The following MXD4 variants were observed in gnomAD, a reference collection of about 807,000 sequenced individuals.
The protein encoded by MXD4 is MAX dimerization protein 4.
A neutral mutation model predicts 24.5 loss-of-function variants in MXD4; 16 were observed. The observed-to-expected ratio is 0.65, with a 90% CI of 0.44 to 0.99. The LOEUF (loss-of-function observed/expected upper bound fraction) is 0.99. MXD4 is among the 50% of genes least tolerant of loss of function. The pLI, the probability that MXD4 is intolerant of heterozygous loss-of-function variation, is 0.00. For missense variants in MXD4, 301 were observed against 301.5 expected (o/e 1.00, Z 0.01); for synonymous variants, 164 against 134.2 (o/e 1.22, Z -1.54).
chr4:2,255,429 C>A, intron 3 of MXD4: 1 of 455,828 alleles, frequency 2.2e-6, no homozygotes, highest in Admixed American at 2.4e-5. Flanking sequence ...CCACCTGGCC[C>A]AAGAGTGTGG....
intron 2 of MXD4, among the ~76,000 whole-genome samples, chr4:2,260,273 G>A (rs746747893): frequency 1.3e-5 from 2 of 152,232 alleles, no homozygotes; most frequent in South Asian, 4.1e-4. Flanking sequence ...AGGAACAGGC[G>A]TCATCAGAGA....
Position 2,249,371 on chromosome 4 carries a change from T to C in MXD4, c.*1173A>G, listed in dbSNP as rs1735263739. ...CAGCTAGGAAAATAGAATACAAAAATCTGGTACAGGAAACAGAGGCGGCAC... is the reference window on the plus strand; with the variant it reads ...CAGCTAGGAAAATAGAATACAAAAACCTGGTACAGGAAACAGAGGCGGCAC... On this transcript the variant is annotated 3_prime_UTR_variant, in exon 6 of 6. Transcript: ENST00000337190. The C allele has an allele frequency of 6.6e-6, 1 of 152,000 alleles. No homozygotes were observed. The highest frequency in any genetic ancestry group is 6.6e-5 in the Admixed American group (1 of 15,248). The allele number at this position is 152,000 out of a possible 1,614,324, so 9.4% of individuals were successfully genotyped here.
chr4:2,255,799 T>C (rs1223367734), intron 3 of MXD4, among the ~76,000 whole-genome samples: 1 of 151,772 alleles, frequency 6.6e-6, no homozygotes, highest in African/African-American at 2.4e-5. Context: ...ACTTCCCAGC[T>C]CCCCCAAAAA....
intron 2 of MXD4, chr4:2,258,906 G>C (rs546778884): frequency 6.6e-6 from 3 of 455,944 alleles, no homozygotes; most frequent in South Asian, 3.1e-5. Flanking sequence ...ATTCAGACGC[G>C]GGCACACAAT....
At position 2,252,349 on chromosome 4, in the gene MXD4, G is replaced by A. The variant is rs994710614; in HGVS notation, c.309+59C>T. ...GGGTCACCTGTGAGCACCCCCCCAG[G>A]GCGTGCAGGGACACTGAGGCAGCCA... On this transcript the variant is annotated intron_variant, in intron 4 of 5. Coordinates refer to ENST00000337190, the MANE Select transcript of MXD4 (RefSeq NM_006454.3). The A allele has an allele frequency of 5.8e-6, 8 of 1,388,950 alleles. 1 individual carries two copies. In the South Asian group the frequency reaches 9.2e-5, roughly 16 times the overall value. 86.0% of individuals were successfully genotyped at this position (1,388,950 alleles called of 1,614,324 possible).
Position 2,250,585 on chromosome 4 carries a change from C to T in MXD4, c.589G>A (p.Gly197Arg), listed in dbSNP as rs780860666. ...QSGTGGDSGFGPHCRRLGRPA... is the reference protein window; with the variant it reads ...QSGTGGDSGFRPHCRRLGRPA... ...CGGCCCAGCCGCCGGCAGTGGGGCC[C>T]GAAGCCACTGTCGCCGCCGGTGCCA... Residue 197 changes from glycine to arginine, a missense_variant, in exon 6 of 6, where the codon GGG (glycine) becomes AGG (arginine). Transcript: ENST00000337190. The T allele has an allele frequency of 6.2e-6, 10 of 1,608,636 alleles. No homozygotes were observed. The highest frequency in any genetic ancestry group is 6.8e-6 in the Non-Finnish European group (8 of 1,178,354).
chr4:2,251,538 G>A (rs554207144), intron 4 of MXD4, among the ~76,000 whole-genome samples: 238 of 152,368 alleles, frequency 1.6e-3, no homozygotes, highest in Non-Finnish European at 2.6e-3. Context: ...GCCAAGTTGA[G>A]CCATGTGTGG....
chr4:2,254,618 G>C (rs1259560211), intron 3 of MXD4: 1 of 152,274 alleles, frequency 6.6e-6, no homozygotes, highest in Non-Finnish European at 1.5e-5. Context: ...AAAGACAAAT[G>C]GTTAGTATTT....
intron 3 of MXD4, 128 bp downstream of exon 3, chr4:2,257,854 G>T: frequency 1.6e-6 from 2 of 1,259,624 alleles, no homozygotes; most frequent in Non-Finnish European, 2.3e-6. Flanking sequence ...CCATTCCCAA[G>T]ACAAGGACAC....
intron 2 of MXD4, chr4:2,258,772 G>A (rs150428309): frequency 5.0e-6 from 2 of 399,860 alleles, no homozygotes; most frequent in Admixed American, 5.2e-5. Context: ...TAGGCACAGG[G>A]GGACACTGAG....
intron 2 of MXD4, chr4:2,258,859 G>T (rs1335016598): frequency 2.2e-6 from 1 of 454,746 alleles, no homozygotes; most frequent in African/African-American, 2.0e-5. Flanking sequence ...GCTTCTCTGG[G>T]GACAGTGGCC....
chr4:2,250,627 G>C lies in MXD4; in HGVS notation c.547C>G (p.His183Asp), dbSNP rs762843764. The change falls in exon 6 of 6, where the codon CAC (histidine) becomes GAC (aspartate). Residue 183 changes from histidine to aspartate, a missense_variant. By Grantham distance (81) the His-to-Asp change is moderately conservative. Coordinates refer to ENST00000337190, the MANE Select transcript of MXD4 (RefSeq NM_006454.3). ...SVGSSSDADD[H>D]YSLQSGTGGD... ...CCGGTGCCACTCTGCAGGCTGTAGT[G>C]GTCGTCCGCGTCACTGCTGCTGCCA... 1 of 1,613,444 alleles carries C rather than the reference G, an allele frequency of 6.2e-7. No individual in the cohort carries two copies. The highest frequency in any genetic ancestry group is 1.1e-5 in the South Asian group (1 of 91,058).
At chr4:2,261,637 G>A (rs1346737967) in intron 2 of MXD4, 88 bp downstream of exon 2, 5 of 778,374 alleles carry the variant, frequency 6.4e-6, no homozygotes, top group Non-Finnish European at 8.2e-6. Flanking sequence ...GAGGGCCGCG[G>A]GCCGGGAATC....
Position 2,252,397 on chromosome 4 carries a change from G to C in MXD4, c.309+11C>G. ...CCAGACAGGGCAGGGTGGAGAGCAA[G>C]GCCCACTCACCTTGATGTGCACCTT... On this transcript the variant is annotated intron_variant, in intron 4 of 5. Coordinates refer to ENST00000337190, the MANE Select transcript of MXD4 (RefSeq NM_006454.3). 6.2e-7 allele frequency: 1 copy of C among 1,605,976 alleles called. No homozygotes were observed.
At position 2,261,910 on chromosome 4, in the gene MXD4, G is replaced by C; in HGVS notation, c.64+7C>G. The C allele has an allele frequency of 6.9e-7, 1 of 1,458,680 alleles. No homozygotes were observed. Among genetic ancestry groups the C allele is most frequent in the Non-Finnish European group, 9.1e-7 (1 of 1,104,840 alleles). 90.4% of individuals were successfully genotyped at this position (1,458,680 alleles called of 1,614,324 possible). On this transcript the variant is annotated splice_region_variant and intron_variant, in intron 1 of 5. Transcript: ENST00000337190. ...GCCGCGGGCGCACAATGGGGTGCGAGCGCTACCTCGATCCCTGCGCTCCAG... is the reference window on the plus strand; with the variant it reads ...GCCGCGGGCGCACAATGGGGTGCGACCGCTACCTCGATCCCTGCGCTCCAG...
At chr4:2,255,884 C>CCTGG (rs1288649561) in intron 3 of MXD4, among the ~76,000 whole-genome samples, 1 of 152,184 alleles carries the variant, frequency 6.6e-6, no homozygotes, top group Non-Finnish European at 1.5e-5. Flanking sequence ...AACCAGAGAG[C>CCTGG]CTGGCTGCCG....
rs762843764 is a variant in MXD4 at position 2,250,627 on chromosome 4, G to A, written c.547C>T (p.His183Tyr). ...SVGSSSDADD[H>Y]YSLQSGTGGD... ...CCGGTGCCACTCTGCAGGCTGTAGT[G>A]GTCGTCCGCGTCACTGCTGCTGCCA... Residue 183 changes from histidine (H) to tyrosine (Y), a missense_variant, in exon 6 of 6, where the codon CAC (histidine) becomes TAC (tyrosine). Physicochemically the swap from His to Tyr is moderately conservative, Grantham distance 83. Transcript: ENST00000337190. 1.9e-6 allele frequency: 3 copies of A among 1,613,326 alleles called. No individual in the cohort carries two copies. The African/African-American group carries it at 4.0e-5, about 22-fold the overall frequency.
At chr4:2,260,499 A>C (rs576140717) in intron 2 of MXD4, 8 of 453,840 alleles carry the variant, frequency 1.8e-5, no homozygotes, top group Non-Finnish European at 2.7e-5. Flanking sequence ...CTCACGCCCC[A>C]GAGTTCTCCA....
At position 2,250,299 on chromosome 4, in the gene MXD4, C is replaced by G; in HGVS notation, c.*245G>C. The stretch of plus-strand genomic sequence containing the variant: ...ACAGACCGTGGGCGGCTATGCTGAC[C>G]AGGGCTCCGGATGTGGAAGCTGGGC... On this transcript the variant is annotated 3_prime_UTR_variant, in exon 6 of 6. Coordinates refer to ENST00000337190, the MANE Select transcript of MXD4 (RefSeq NM_006454.3). 1.7e-6 allele frequency: 1 copy of G among 578,714 alleles called. No individual in the cohort carries two copies. The highest frequency in any genetic ancestry group is 3.1e-6 in the Non-Finnish European group (1 of 327,278). 35.8% of individuals were successfully genotyped at this position (578,714 alleles called of 1,614,324 possible).
Sources: allele counts gnomAD v4.1 joint callset (sites outside exome capture counted in the v4.1 genomes callset), GRCh38; gene constraint gnomAD v4.1.1; transcripts MANE v1.5; gene names NCBI Gene and HGNC (gene_info 2026-07-23, HGNC 2026-07-21).